The following SV2C variants were observed in gnomAD, a reference collection of about 807,000 sequenced individuals.
SV2C encodes the protein synaptic vesicle glycoprotein 2C.
Under a neutral mutation model 79.7 loss-of-function variants are expected in SV2C, and 49 were observed. The observed-to-expected ratio is 0.61, with a 90% CI of 0.49 to 0.78. The LOEUF (loss-of-function observed/expected upper bound fraction) is 0.78. Ranked by LOEUF, SV2C falls within the 30% of genes least tolerant of loss-of-function variation. The probability of loss-of-function intolerance (pLI) is 0.00; values close to 1 mark genes in which losing one functional copy is unlikely to be tolerated. For missense variants in SV2C, 833 were observed against 912.9 expected (o/e 0.91, Z 1.13); for synonymous variants, 334 against 333.2 (o/e 1.00, Z -0.03).
chr5:76,309,922 A>C (rs1474732301), intron 12 of SV2C, among the ~76,000 whole-genome samples: 1 of 152,164 alleles, frequency 6.6e-6, no homozygotes, highest in Non-Finnish European at 1.5e-5. Flanking sequence ...GAAGGTAATA[A>C]GTTCCATTTT....
At chr5:75,904,095 C>A in the SV2C span, among the ~76,000 whole-genome samples, 52 of 152,168 alleles carry the variant, frequency 3.4e-4, no homozygotes, top group African/African-American at 9.4e-4. Flanking sequence ...AGCTCAAGAC[C>A]AAATATGTGC....
chr5:76,131,570 A>G (rs1455421202), intron 1 of SV2C, 80 bp from the exon 2 acceptor site: 2 of 442,672 alleles, frequency 4.5e-6, no homozygotes, highest in Non-Finnish European at 7.8e-6. Context: ...GGGACACTGA[A>G]AAGAGGTCAA....
At chr5:76,002,924 T>A in the SV2C span, among the ~76,000 whole-genome samples, 1 of 152,152 alleles carries the variant, frequency 6.6e-6, no homozygotes, top group Non-Finnish European at 1.5e-5. Context: ...GGTTGGGCTG[T>A]GTCCCCACCC....
At chr5:76,319,775 A>C (rs1748764986) in intron 12 of SV2C, among the ~76,000 whole-genome samples, 2 of 152,168 alleles carry the variant, frequency 1.3e-5, no homozygotes, top group Non-Finnish European at 2.9e-5. Context: ...CGCTATTCTG[A>C]GTTATACCAG....
the SV2C span, among the ~76,000 whole-genome samples, chr5:76,063,709 CTT>C: frequency 6.6e-6 from 1 of 152,122 alleles, no homozygotes; most frequent in Non-Finnish European, 1.5e-5. Flanking sequence ...GTCTCATACT[CTT>C]TTGTTTATAA....
At chr5:76,347,526 C>G (rs1749567030) in intron 12 of SV2C, among the ~76,000 whole-genome samples, 1 of 152,112 alleles carries the variant, frequency 6.6e-6, no homozygotes, top group African/African-American at 2.4e-5. Flanking sequence ...CTCACTGCAA[C>G]CTCCACTTCC....
chr5:75,990,551 C>T, the SV2C span, among the ~76,000 whole-genome samples: 1 of 151,906 alleles, frequency 6.6e-6, no homozygotes, highest in African/African-American at 2.4e-5. Context: ...TTCTCTCTTA[C>T]AGGTTTCTGC....
intron 4 of SV2C, among the ~76,000 whole-genome samples, chr5:76,233,646 T>G (rs1300194275): frequency 6.6e-6 from 1 of 151,228 alleles, no homozygotes; most frequent in Non-Finnish European, 1.5e-5. Flanking sequence ...GTTTTTAGCA[T>G]GAAGGGTTGT....
intron 1 of SV2C, 67 bp from the exon 2 acceptor site, chr5:76,131,583 A>T: frequency 2.1e-6 from 1 of 467,374 alleles, no homozygotes; most frequent in Non-Finnish European, 3.7e-6. Flanking sequence ...GAGGTCAAGA[A>T]ATAGACGGTA....
chr5:75,914,933 A>G, the SV2C span, among the ~76,000 whole-genome samples: 1 of 152,238 alleles, frequency 6.6e-6, no homozygotes, highest in African/African-American at 2.4e-5. Context: ...AGGCCTCACA[A>G]TCATGGCAGA....
intron 5 of SV2C, 34 bp from the exon 6 acceptor site, chr5:76,285,747 T>C (rs369762106): frequency 2.5e-6 from 4 of 1,588,770 alleles, no homozygotes; most frequent in Non-Finnish European, 2.6e-6. Context: ...AGTGTGTCAC[T>C]CCTAGCGCTT....
chr5:76,334,726 C>T (rs1416199547), downstream of SV2C, among the ~76,000 whole-genome samples: 3 of 152,252 alleles, frequency 2.0e-5, no homozygotes, highest in African/African-American at 7.2e-5. Context: ...CAGCAGACTC[C>T]CCATTATGTC....
rs1749073659 is a variant in SV2C, at chr5:76,328,462, C to T, written c.*2915C>T. On this transcript the variant is annotated 3_prime_UTR_variant, in exon 13 of 13. Coordinates refer to ENST00000502798, the MANE Select transcript of SV2C (RefSeq NM_014979.4). The stretch of plus-strand genomic sequence containing the variant: ...CTTCAAACTGTGAATTCTGTATGTA[C>T]CACATTCTATCCCAGGTATTGGGTT... 1 of 152,154 alleles carries T rather than the reference C, an allele frequency of 6.6e-6. No homozygotes were observed. The highest frequency in any genetic ancestry group is 2.1e-4 in the South Asian group (1 of 4,828). The allele number at this position is 152,154 out of a possible 1,614,324, so 9.4% of individuals were successfully genotyped here.
the SV2C span, among the ~76,000 whole-genome samples, chr5:76,078,061 G>A: frequency 7.2e-5 from 11 of 152,226 alleles, no homozygotes; most frequent in African/African-American, 2.7e-4. Flanking sequence ...GTCTGAGCAT[G>A]CTAGCCACAT....
the SV2C span, among the ~76,000 whole-genome samples, chr5:76,078,177 A>G: frequency 6.6e-6 from 1 of 152,196 alleles, no homozygotes; most frequent in African/African-American, 2.4e-5. Context: ...GAACAAGGAC[A>G]TCACCTTCCT....
At chr5:76,004,556 G>C in the SV2C span, among the ~76,000 whole-genome samples, 1 of 152,040 alleles carries the variant, frequency 6.6e-6, no homozygotes, top group Non-Finnish European at 1.5e-5. Flanking sequence ...GTAACATTGA[G>C]GCCCACAATC....
At chr5:75,887,069 A>T in the SV2C span, among the ~76,000 whole-genome samples, 7 of 152,008 alleles carry the variant, frequency 4.6e-5, no homozygotes, top group African/African-American at 1.4e-4. Flanking sequence ...AATATTTAGC[A>T]TTTATTTCTT....
At chr5:75,895,792 G>T in the SV2C span, among the ~76,000 whole-genome samples, 1 of 152,072 alleles carries the variant, frequency 6.6e-6, no homozygotes, top group African/African-American at 2.4e-5. Context: ...ATTTGAGCTT[G>T]GGGGCTCTGT....
chr5:75,910,165 A>G, the SV2C span: 7 of 322,860 alleles, frequency 2.2e-5, no homozygotes, highest in Non-Finnish European at 3.6e-5. Context: ...CACCAGGTGC[A>G]GTGGTTCAAG....
Sources: gnomAD v4.1 joint callset for allele counts (sites outside exome capture counted in the v4.1 genomes callset) on GRCh38, gnomAD v4.1.1 for gene constraint, MANE v1.5 for transcripts, NCBI Gene and HGNC (gene_info 2026-07-23, HGNC 2026-07-21) for gene names.